PPHLN1: variants seen among roughly 807,000 people sequenced by gnomAD.
PPHLN1 encodes periphilin-1.
PPHLN1 carries 29 observed loss-of-function variants against 51.3 expected under a neutral mutation model. The ratio of observed to expected loss-of-function variants is 0.57; its 90% CI spans 0.42 to 0.77. The LOEUF (loss-of-function observed/expected upper bound fraction) is 0.77, where lower values mean the gene tolerates loss of function less well. Ranked by LOEUF, PPHLN1 falls within the 30% of genes least tolerant of loss-of-function variation. PPHLN1 has a pLI of 0.00. For missense variants in PPHLN1, 436 were observed against 438.4 expected, an observed-to-expected ratio of 0.99 and a Z score of 0.05; for synonymous variants, 147 against 147.8, an observed-to-expected ratio of 0.99 and a Z score of 0.04.
intron 9 of PPHLN1, among the ~76,000 whole-genome samples, chr12:42,434,621 GA>G (rs2082319169): frequency 2.0e-5 from 3 of 152,200 alleles, no homozygotes; most frequent in Admixed American, 2.0e-4. Context: ...GGGCATGCCA[GA>G]AGTGAAGTGT....
In PPHLN1 at chr12:42,384,437, A is replaced by C. The variant is rs112006050; in HGVS notation, c.512-503A>C. 5.4e-3 allele frequency among the ~76,000 whole-genome samples: 827 copies of C among 152,310 alleles called. 9 individuals carry two copies. The highest frequency in any genetic ancestry group is 0.031 in the Middle Eastern group (9 of 294). On this transcript the variant is annotated intron_variant, in intron 5 of 9. Coordinates refer to ENST00000358314, the MANE Select transcript of PPHLN1 (RefSeq NM_201439.2). ...GACAAGGAAGCTAACAAAATATATCAAGATTCTAAGTGTGGGATAATTAGG... is the reference window on the plus strand; with the variant it reads ...GACAAGGAAGCTAACAAAATATATCCAGATTCTAAGTGTGGGATAATTAGG...
At chr12:42,336,917 C>T (rs956800779) in intron 2 of PPHLN1, among the ~76,000 whole-genome samples, 5 of 152,084 alleles carry the variant, frequency 3.3e-5, no homozygotes, top group Admixed American at 1.3e-4. Context: ...TCCTATAGCC[C>T]ACTTAGATGG....
At chr12:42,399,441 C>A (rs2078586802) in intron 9 of PPHLN1, 5 of 928,906 alleles carry the variant, frequency 5.4e-6, no homozygotes, top group African/African-American at 3.6e-5. Flanking sequence ...TTAGTGAAGT[C>A]ATTCTGAAAA....
In PPHLN1 at chr12:42,355,074, G is replaced by A. The variant is rs1030159326; in HGVS notation, c.238-87G>A. On this transcript the variant is annotated intron_variant, in intron 3 of 9. Coordinates refer to ENST00000358314, the MANE Select transcript of PPHLN1 (RefSeq NM_201439.2). ...ATGCCTTTGAAGTTTAGGGAAATTC[G>A]GTCTAGTTTCTGGTAGTATTGTTAG... The A allele has an allele frequency of 4.2e-6, 5 of 1,199,152 alleles. No individual in the cohort carries two copies. The Admixed American group carries it at 5.3e-5, about 13-fold the overall frequency. 74.3% of individuals were successfully genotyped at this position (1,199,152 alleles called of 1,614,324 possible). A position where few individuals can be genotyped will look rare whatever the true frequency, so the allele number is the denominator to read the frequency against.
chr12:42,338,896 T>C (rs553664958), intron 2 of PPHLN1, among the ~76,000 whole-genome samples: 2 of 152,352 alleles, frequency 1.3e-5, no homozygotes, highest in East Asian at 1.9e-4. Flanking sequence ...TGTATTTGAA[T>C]TGAAGTCATA....
intron 5 of PPHLN1, among the ~76,000 whole-genome samples, chr12:42,378,518 A>G (rs999141763): frequency 7.2e-5 from 11 of 152,180 alleles, no homozygotes; most frequent in Non-Finnish European, 1.6e-4. Flanking sequence ...TTTCTAGTAT[A>G]AATTGAAATT....
rs759195088 is a variant in PPHLN1, at chr12:42,398,980, A to G, written c.895A>G (p.Lys299Glu). The G allele has an allele frequency of 1.9e-6, 3 of 1,613,896 alleles. No individual in the cohort carries two copies. The highest frequency in any genetic ancestry group is 2.2e-5 in the East Asian group (1 of 44,870). The change falls in exon 9 of 10, where the codon AAA (lysine) becomes GAA (glutamate). Residue 299 changes from lysine (K) to glutamate (E), a missense_variant. Physicochemically the swap from Lys to Glu is moderately conservative, Grantham distance 56. Transcript: ENST00000358314. ...CTCTAAAGCAATAGCATCAAAAACC[A>G]AAGAGATTGAACAGGTGAGAGTCTA... ...TRSKAIASKTKEIEQVYRQDC... is the reference protein window; with the variant it reads ...TRSKAIASKTEEIEQVYRQDC...
At chr12:42,434,595 T>C (rs1020331623) in intron 9 of PPHLN1, among the ~76,000 whole-genome samples, 4 of 152,174 alleles carry the variant, frequency 2.6e-5, no homozygotes, top group Non-Finnish European at 5.9e-5. Flanking sequence ...TGGTGTCTGC[T>C]GGGGAACTGA....
At chr12:42,417,045 G>A (rs1036659857) in intron 9 of PPHLN1, among the ~76,000 whole-genome samples, 8 of 152,104 alleles carry the variant, frequency 5.3e-5, no homozygotes, top group African/African-American at 1.9e-4. Context: ...AGAAATGTTT[G>A]GCTACTTTTT....
chr12:42,434,374 G>GA (rs1453481639), intron 9 of PPHLN1, among the ~76,000 whole-genome samples: 2 of 152,140 alleles, frequency 1.3e-5, no homozygotes, highest in Non-Finnish European at 2.9e-5. Context: ...ATAAAAGTTG[G>GA]AAATAAAAAT....
At chr12:42,365,299 G>C (rs781197804) in intron 4 of PPHLN1, among the ~76,000 whole-genome samples, 4 of 152,168 alleles carry the variant, frequency 2.6e-5, no homozygotes, top group African/African-American at 9.7e-5. Flanking sequence ...AGTCCCTATT[G>C]ACTAGAAAGG....
chr12:42,423,000 A>G (rs1016844074), intron 9 of PPHLN1, among the ~76,000 whole-genome samples: 1 of 152,224 alleles, frequency 6.6e-6, no homozygotes, highest in Non-Finnish European at 1.5e-5. Context: ...TGGAAGTAGC[A>G]ATATGACTAG....
intron 4 of PPHLN1, among the ~76,000 whole-genome samples, chr12:42,372,938 G>A (rs549279758): frequency 7.9e-5 from 12 of 152,174 alleles, no homozygotes; most frequent in South Asian, 6.2e-4. Flanking sequence ...TTAGTAAAAC[G>A]TTAACTACAT....
intron 9 of PPHLN1, among the ~76,000 whole-genome samples, chr12:42,405,543 G>C (rs1002066416): frequency 2.0e-5 from 3 of 152,072 alleles, no homozygotes; most frequent in Non-Finnish European, 4.4e-5. Context: ...GTTATCTTTC[G>C]TTGTTTTTCT....
chr12:42,355,107 C>A (rs1295422323), intron 3 of PPHLN1, 54 bp from the exon 4 acceptor site: 47 of 1,525,300 alleles, frequency 3.1e-5, no homozygotes, highest in Non-Finnish European at 4.1e-5. Flanking sequence ...TAGATATGTC[C>A]CACTTGTCCA....
chr12:42,422,413 A>G (rs1352737050), intron 9 of PPHLN1, among the ~76,000 whole-genome samples: 2 of 152,216 alleles, frequency 1.3e-5, no homozygotes, highest in Non-Finnish European at 2.9e-5. Flanking sequence ...GTAATTTTCC[A>G]TGAAGTAAGG....
downstream of PPHLN1, chr12:42,446,662 T>A (rs1300636712): frequency 2.5e-6 from 4 of 1,584,272 alleles, no homozygotes; most frequent in Admixed American, 5.0e-5. Flanking sequence ...TCTGTACTCG[T>A]CAATCAACAA....
downstream of PPHLN1, chr12:42,442,547 C>G: frequency 6.5e-7 from 1 of 1,546,302 alleles, no homozygotes; most frequent in Non-Finnish European, 8.8e-7. Context: ...GGACTGCACT[C>G]TCTTTTGGGC....
downstream of PPHLN1, chr12:42,446,040 C>T (rs186308218): frequency 3.0e-4 from 464 of 1,550,386 alleles, no homozygotes; most frequent in African/African-American, 5.9e-3. Flanking sequence ...AACCAAGTAC[C>T]AGAAATGAAG....
Sources: allele counts gnomAD v4.1 joint callset (sites outside exome capture counted in the v4.1 genomes callset), GRCh38; gene constraint gnomAD v4.1.1; transcripts MANE v1.5; gene names NCBI Gene and HGNC (gene_info 2026-07-23, HGNC 2026-07-21).